Variants in KPNA7 observed in about 807,000 individuals in gnomAD.
KPNA7 encodes the protein importin subunit alpha-8.
A neutral mutation model predicts 53.7 loss-of-function variants in KPNA7; 54 were observed. That is an observed-to-expected ratio of 1.01 (90% CI 0.81 to 1.26). The LOEUF is 1.26. KPNA7 is among the 50% of genes most tolerant of loss of function. KPNA7 has a pLI of 0.00. For synonymous variants in KPNA7, 276 were observed against 259.3 expected (o/e 1.06, Z -0.62); for missense variants, 640 against 644.5 (o/e 0.99, Z 0.07).
At chr7:99,208,971 G>C (rs557728172), upstream of KPNA7, among the ~76,000 whole-genome samples, 2 of 152,148 alleles carry the variant, frequency 1.3e-5, no homozygotes, top group East Asian at 3.9e-4. Flanking sequence ...GGGCAACATG[G>C]GGAAACCCCA....
At chr7:99,210,510 T>G (rs562965401), upstream of KPNA7, among the ~76,000 whole-genome samples, 185 of 151,612 alleles carry the variant, frequency 1.2e-3, no homozygotes, top group African/African-American at 4.0e-3. Flanking sequence ...AGACAGGGAG[T>G]TGGCCCTCAG....
At chr7:99,216,531 A>G (rs1325837457) in intron 1 of KPNA7, among the ~76,000 whole-genome samples, 1 of 150,762 alleles carries the variant, frequency 6.6e-6, no homozygotes, top group African/African-American at 2.4e-5. Flanking sequence ...ACCATGCCCA[A>G]GGTCCCCTAG....
At chr7:99,165,631 T>G in the KPNA7 span, among the ~76,000 whole-genome samples, 3 of 152,206 alleles carry the variant, frequency 2.0e-5, no homozygotes, top group Admixed American at 6.6e-5. Flanking sequence ...CCGTTTCTCT[T>G]CATTTATCAA....
intron 6 of KPNA7, among the ~76,000 whole-genome samples, chr7:99,192,690 T>C (rs978636767): frequency 2.0e-5 from 3 of 152,212 alleles, no homozygotes; most frequent in African/African-American, 7.2e-5. Context: ...ATCACAGACA[T>C]GAGCCACCAT....
At chr7:99,208,350 G>A (rs191503057), upstream of KPNA7, among the ~76,000 whole-genome samples, 688 of 152,198 alleles carry the variant, frequency 4.5e-3, 8 homozygotes, top group African/African-American at 0.016. Context: ...CCGCCTCCCG[G>A]GTTCACGCCA....
chr7:99,216,321 A>G (rs1006621693), intron 1 of KPNA7, among the ~76,000 whole-genome samples: 2 of 152,074 alleles, frequency 1.3e-5, no homozygotes, highest in African/African-American at 4.8e-5. Flanking sequence ...GAGCCACTGC[A>G]CCTGGCCCAA....
the KPNA7 span, among the ~76,000 whole-genome samples, chr7:99,163,152 G>T: frequency 1.3e-5 from 2 of 151,604 alleles, no homozygotes; most frequent in African/African-American, 2.4e-5. Context: ...CTGCACTCCA[G>T]CCTGGGCAGC....
At chr7:99,175,590 A>G (rs1377122871) in intron 10 of KPNA7, among the ~76,000 whole-genome samples, 1 of 151,776 alleles carries the variant, frequency 6.6e-6, no homozygotes, top group Non-Finnish European at 1.5e-5. Context: ...ATCTTGGCTC[A>G]CTGCAACCTC....
Position 99,193,009 on chromosome 7 carries a change from A to G in KPNA7, c.636+10T>C. Reference sequence around the variant, plus strand: ...TAAAAAAAAAAAAAGAGAAAGAAAAAGACACTTACCGGCAGGGTGGGTGAA... The same window carrying G: ...TAAAAAAAAAAAAAGAGAAAGAAAAGGACACTTACCGGCAGGGTGGGTGAA... On this transcript the variant is annotated intron_variant, in intron 6 of 10. Transcript: ENST00000327442. 6.7e-7 allele frequency: 1 copy of G among 1,484,502 alleles called. No individual in the cohort carries two copies. The allele number at this position is 1,484,502 out of a possible 1,614,324, so 92.0% of individuals were successfully genotyped here.
upstream of KPNA7, among the ~76,000 whole-genome samples, chr7:99,209,529 C>T (rs1387931992): frequency 6.6e-6 from 1 of 151,356 alleles, no homozygotes; most frequent in Non-Finnish European, 1.5e-5. Flanking sequence ...ACTAAAAGTA[C>T]AAAATTAGCC....
At position 99,192,985 on chromosome 7, in the gene KPNA7, A is replaced by T. The variant is rs550384581; in HGVS notation, c.636+34T>A. On this transcript the variant is annotated intron_variant, in intron 6 of 10. Transcript: ENST00000327442. ...TAAGATTATTTTAAAATTTTAATTT[A>T]AAAAAAAAAAAAGAGAAAGAAAAAG... 1,864 of 321,496 alleles carry T rather than the reference A, an allele frequency of 5.8e-3. 15 individuals are homozygous for T. The highest frequency in any genetic ancestry group is 0.057 in the African/African-American group (1,527 of 26,808). The allele number at this position is 321,496 out of a possible 1,614,324, so 19.9% of individuals were successfully genotyped here. A position where few individuals can be genotyped will look rare whatever the true frequency, so the allele number is the denominator to read the frequency against.
chr7:99,213,457 AGAG>A (rs373824332), intron 1 of KPNA7, among the ~76,000 whole-genome samples: 22 of 94,348 alleles, frequency 2.3e-4, no homozygotes, highest in African/African-American at 9.6e-4. Context: ...AAAAAAAAAA[AGAG>A]AGAGAGACAG....
upstream of KPNA7, among the ~76,000 whole-genome samples, chr7:99,210,766 T>C (rs953611771): frequency 2.0e-5 from 3 of 152,082 alleles, no homozygotes; most frequent in Non-Finnish European, 4.4e-5. Flanking sequence ...TTTGTATTTT[T>C]TGTAGAGATG....
chr7:99,179,176 C>T (rs1169039609), intron 9 of KPNA7, among the ~76,000 whole-genome samples: 1 of 152,100 alleles, frequency 6.6e-6, no homozygotes, highest in Non-Finnish European at 1.5e-5. Context: ...AAGAAAATTA[C>T]ATTAAAAAGA....
Position 99,188,320 on chromosome 7 carries a change from T to C in KPNA7, c.880A>G (p.Ser294Gly). 1 of 1,551,342 alleles carries C rather than the reference T, an allele frequency of 6.4e-7. No homozygotes were observed. Among genetic ancestry groups the C allele is most frequent in the Middle Eastern group, 1.7e-4 (1 of 5,984 alleles). Reference protein sequence around the residue: ...VLPRLVVLMTSSELNVLTPSL... With the variant: ...VLPRLVVLMTGSELNVLTPSL... ...TTTACCAAGACATTGAGTTCTGAGCTGGTCATGAGCACTACCAGCCTGGGC... is the reference window on the plus strand; with the variant it reads ...TTTACCAAGACATTGAGTTCTGAGCCGGTCATGAGCACTACCAGCCTGGGC... The change falls in exon 7 of 11, where the codon AGC becomes GGC. Residue 294 changes from serine (S) to glycine (G), a missense_variant. By Grantham distance (56) the Ser-to-Gly change is moderately conservative. Transcript: ENST00000327442.
intron 4 of KPNA7, 66 bp downstream of exon 4, chr7:99,196,018 T>G: frequency 7.5e-7 from 1 of 1,338,836 alleles, no homozygotes; most frequent in Non-Finnish European, 1.0e-6. Context: ...CCACCGGCGC[T>G]CCAGCCATCA....
intron 2 of KPNA7, among the ~76,000 whole-genome samples, chr7:99,203,923 C>T (rs1266037076): frequency 6.6e-6 from 1 of 152,044 alleles, no homozygotes; most frequent in Non-Finnish European, 1.5e-5. Context: ...GTTGGCCAGG[C>T]TGCTCTTGAA....
upstream of KPNA7, among the ~76,000 whole-genome samples, chr7:99,212,522 G>A (rs1791103227): frequency 6.6e-6 from 1 of 151,734 alleles, no homozygotes; most frequent in African/African-American, 2.4e-5. Flanking sequence ...CCAAAGTGCT[G>A]GGATTACAGG....
the KPNA7 span, among the ~76,000 whole-genome samples, chr7:99,163,415 G>T: frequency 2.3e-5 from 2 of 86,952 alleles, no homozygotes; most frequent in South Asian, 4.4e-4. Flanking sequence ...TTGAGACAGG[G>T]TCTCACTTTG....
Sources: gnomAD v4.1 joint callset for allele counts (sites outside exome capture counted in the v4.1 genomes callset) on GRCh38, gnomAD v4.1.1 for gene constraint, MANE v1.5 for transcripts, NCBI Gene and HGNC (gene_info 2026-07-23, HGNC 2026-07-21) for gene names.